The following TENM3 variants were observed in gnomAD, a reference collection of about 807,000 sequenced individuals.
The protein encoded by TENM3 is teneurin-3.
In TENM3, 63 loss-of-function variants were observed where a neutral mutation model predicts 255.1. The ratio of observed to expected loss-of-function variants is 0.25; its 90% CI spans 0.20 to 0.30. The LOEUF (loss-of-function observed/expected upper bound fraction) is 0.30. TENM3 is among the 10% of genes least tolerant of loss of function. The probability of loss-of-function intolerance (pLI) is 1.00; values close to 1 mark genes in which losing one functional copy is unlikely to be tolerated. For missense variants in TENM3, 2,929 were observed against 3,461.1 expected (o/e 0.85, Z 3.86); for synonymous variants, 1,306 against 1,322.3 (o/e 0.99, Z 0.27).
At chr4:182,234,454 C>T (rs1438402671) in intron 1 of TENM3, among the ~76,000 whole-genome samples, 3 of 152,126 alleles carry the variant, frequency 2.0e-5, no homozygotes, top group African/African-American at 7.2e-5. Context: ...AAAACACAGC[C>T]CTGTGCAGTG....
chr4:182,068,283 T>C, the TENM3 span, among the ~76,000 whole-genome samples: 1 of 152,106 alleles, frequency 6.6e-6, no homozygotes, highest in Non-Finnish European at 1.5e-5. Context: ...ATTTATACAA[T>C]GGTTGCAAAA....
At chr4:181,913,735 A>T in the TENM3 span, among the ~76,000 whole-genome samples, 1 of 152,298 alleles carries the variant, frequency 6.6e-6, no homozygotes, top group African/African-American at 2.4e-5. Flanking sequence ...TTTAAAATGG[A>T]GAACAAAGAA....
In TENM3 at chr4:182,517,546, G is replaced by A. The variant is rs1160537941; in HGVS notation, c.512-83378G>A. On this transcript the variant is annotated intron_variant, in intron 3 of 27. Transcript: ENST00000511685. ...CTACAGGCGCCCGCTACCACGCCCG[G>A]CTAATTTTTTGTATTTTTAGTAGAG... is the stretch of plus-strand genomic sequence containing the variant. Among the ~76,000 whole-genome samples, 3 of 146,734 alleles carry A rather than the reference G, an allele frequency of 2.0e-5. 1 individual carries two copies. The highest frequency in any genetic ancestry group is 4.5e-5 in the Non-Finnish European group (3 of 66,858).
intron 1 of TENM3, among the ~76,000 whole-genome samples, chr4:182,308,349 C>G (rs1479637350): frequency 6.6e-6 from 1 of 151,888 alleles, no homozygotes; most frequent in Non-Finnish European, 1.5e-5. Context: ...CAGGGTCTCA[C>G]TCTGTCACCC....
At chr4:182,713,791 T>C (rs1048314661) in intron 12 of TENM3, among the ~76,000 whole-genome samples, 1 of 152,200 alleles carries the variant, frequency 6.6e-6, no homozygotes, top group Non-Finnish European at 1.5e-5. Flanking sequence ...CCTTGTTGCT[T>C]GGCTAAAGGG....
the TENM3 span, among the ~76,000 whole-genome samples, chr4:181,455,870 C>T: frequency 6.6e-6 from 1 of 151,892 alleles, no homozygotes; most frequent in African/African-American, 2.4e-5. Flanking sequence ...GGGGCATTTC[C>T]AACAATAGAA....
At chr4:182,434,400 C>T (rs1404461792) in intron 3 of TENM3, among the ~76,000 whole-genome samples, 1 of 152,154 alleles carries the variant, frequency 6.6e-6, no homozygotes, top group Admixed American at 6.5e-5. Flanking sequence ...CCATGGCTCA[C>T]ACCTATAATC....
chr4:182,408,461 C>T (rs1248028916), intron 3 of TENM3, among the ~76,000 whole-genome samples: 4 of 152,096 alleles, frequency 2.6e-5, no homozygotes, highest in South Asian at 2.1e-4. Flanking sequence ...AGAAAACCTT[C>T]GGACCAACTG....
the TENM3 span, among the ~76,000 whole-genome samples, chr4:181,825,599 G>A: frequency 6.6e-6 from 1 of 152,032 alleles, no homozygotes; most frequent in African/African-American, 2.4e-5. Flanking sequence ...TTGGAATTTG[G>A]ATATTTGGTA....
the TENM3 span, among the ~76,000 whole-genome samples, chr4:181,958,261 T>A: frequency 2.0e-5 from 3 of 152,210 alleles, no homozygotes; most frequent in Admixed American, 6.5e-5. Flanking sequence ...ATTAAGTACC[T>A]CTGCAGAGAA....
At chr4:181,766,546 G>A in the TENM3 span, among the ~76,000 whole-genome samples, 19 of 152,112 alleles carry the variant, frequency 1.2e-4, no homozygotes, top group Non-Finnish European at 2.4e-4. Flanking sequence ...GAGTGGAGGT[G>A]GCAGGCTCCA....
chr4:181,522,747 A>C, the TENM3 span: 1 of 716,218 alleles, frequency 1.4e-6, no homozygotes, highest in Non-Finnish European at 2.6e-6. Flanking sequence ...TTCTTCTAAG[A>C]AAATGGACCT....
intron 3 of TENM3, among the ~76,000 whole-genome samples, chr4:182,420,458 A>G (rs568636886): frequency 3.7e-4 from 56 of 152,310 alleles, no homozygotes; most frequent in Middle Eastern, 6.8e-3. Context: ...TTTGCCGCAT[A>G]CGGACATAAT....
At chr4:182,412,833 C>G (rs551584016) in intron 3 of TENM3, among the ~76,000 whole-genome samples, 7 of 150,616 alleles carry the variant, frequency 4.6e-5, no homozygotes, top group South Asian at 4.2e-4. Flanking sequence ...CCACTGCACT[C>G]CAGCCTGGGT....
intron 3 of TENM3, among the ~76,000 whole-genome samples, chr4:182,600,365 A>G (rs1043394681): frequency 1.3e-5 from 2 of 152,238 alleles, no homozygotes; most frequent in Non-Finnish European, 2.9e-5. Flanking sequence ...CTTAGCATCT[A>G]TTAGTAGATC....
the TENM3 span, among the ~76,000 whole-genome samples, chr4:181,553,458 T>C: frequency 2.6e-5 from 4 of 152,154 alleles, no homozygotes; most frequent in Non-Finnish European, 5.9e-5. Context: ...TTTATTTATT[T>C]TGAGGCGGAG....
the TENM3 span, among the ~76,000 whole-genome samples, chr4:181,799,023 G>A: frequency 4.6e-5 from 7 of 152,142 alleles, no homozygotes; most frequent in African/African-American, 7.2e-5. Flanking sequence ...GTAGACGGCC[G>A]CTTATGCACT....
chr4:181,698,270 A>G, the TENM3 span, among the ~76,000 whole-genome samples: 1 of 152,082 alleles, frequency 6.6e-6, no homozygotes, highest in African/African-American at 2.4e-5. Context: ...ATAAGGACAC[A>G]CAGGCTCAAA....
the TENM3 span, among the ~76,000 whole-genome samples, chr4:181,881,518 G>T: frequency 1.3e-5 from 2 of 152,084 alleles, no homozygotes; most frequent in African/African-American, 2.4e-5. Context: ...ATTCATATTT[G>T]TTGACCACAT....
Sources: allele counts gnomAD v4.1 joint callset (sites outside exome capture counted in the v4.1 genomes callset), GRCh38; gene constraint gnomAD v4.1.1; transcripts MANE v1.5; gene names NCBI Gene and HGNC (gene_info 2026-07-23, HGNC 2026-07-21).